The following MTHFD1 variants were observed in gnomAD, a reference collection of about 807,000 sequenced individuals.
MTHFD1 encodes C-1-tetrahydrofolate synthase, cytoplasmic.
In MTHFD1, 44 loss-of-function variants were observed where a neutral mutation model predicts 110.3. The observed-to-expected ratio is 0.40, with a 90% CI of 0.31 to 0.51. The LOEUF is 0.51. MTHFD1 is among the 20% of genes least tolerant of loss of function. The probability of loss-of-function intolerance (pLI) is 0.60; values close to 1 mark genes in which losing one functional copy is unlikely to be tolerated. For synonymous variants in MTHFD1, 402 were observed against 428.8 expected (o/e 0.94, Z 0.77); for missense variants, 909 against 1,173.1 (o/e 0.77, Z 3.29).
intron 15 of MTHFD1, among the ~76,000 whole-genome samples, chr14:64,435,187 G>T (rs776462400): frequency 6.6e-6 from 1 of 151,848 alleles, no homozygotes; most frequent in Non-Finnish European, 1.5e-5. Flanking sequence ...CTGACCTCAG[G>T]TGATCTGCCC....
At chr14:64,432,591 A>G (rs2078168594) in intron 15 of MTHFD1, among the ~76,000 whole-genome samples, 1 of 152,242 alleles carries the variant, frequency 6.6e-6, no homozygotes, top group African/African-American at 2.4e-5. Context: ...ATGCTGGGTG[A>G]AAGAAGCCAG....
intron 24 of MTHFD1, among the ~76,000 whole-genome samples, chr14:64,450,069 C>T (rs958726788): frequency 6.6e-6 from 1 of 152,156 alleles, no homozygotes; most frequent in Non-Finnish European, 1.5e-5. Flanking sequence ...GAATTACAGG[C>T]GTGAGCCACT....
chr14:64,429,261 A>AACATATAT (rs11158541), intron 12 of MTHFD1, among the ~76,000 whole-genome samples: 4,711 of 108,246 alleles, frequency 0.044, 761 homozygotes, highest in African/African-American at 0.15. Context: ...TGTCTAAAAA[A>AACATATAT]ATATATATCT....
At chr14:64,389,710 GAA>G (rs765314571) in intron 1 of MTHFD1, among the ~76,000 whole-genome samples, 2 of 135,644 alleles carry the variant, frequency 1.5e-5, no homozygotes. Flanking sequence ...CTCCGTCTAA[GAA>G]AAAAAAAAAA....
chr14:64,425,056 G>A, intron 9 of MTHFD1, 125 bp downstream of exon 9: 2 of 1,199,190 alleles, frequency 1.7e-6, no homozygotes, highest in Non-Finnish European at 1.2e-6. Flanking sequence ...TTGAGAAAAA[G>A]GGAAGGGAAG....
At chr14:64,400,723 C>T in intron 1 of MTHFD1, 70 bp from the exon 2 acceptor site, 1 of 967,978 alleles carries the variant, frequency 1.0e-6, no homozygotes, top group Non-Finnish European at 1.7e-6. Flanking sequence ...AGAAATACAT[C>T]TAATAATCTG....
chr14:64,459,669 T>C, intron 27 of MTHFD1, 90 bp from the exon 28 acceptor site: 1 of 1,112,594 alleles, frequency 9.0e-7, no homozygotes, highest in Non-Finnish European at 1.3e-6. Flanking sequence ...GCTTTGGCAA[T>C]GTGAGTGGGT....
chr14:64,406,094 A>G (rs1189991542), intron 2 of MTHFD1, among the ~76,000 whole-genome samples: 3 of 150,810 alleles, frequency 2.0e-5, no homozygotes, highest in Non-Finnish European at 4.4e-5. Flanking sequence ...GCTGGAGTGC[A>G]ATGGCACGAT....
rs781449782 is a variant in MTHFD1 at position 64,442,308 on chromosome 14, T to C, written c.2042T>C (p.Phe681Ser). ...GCAGACATTGGAATGGAAAAGTTTT[T>C]TAACATCAAATGCCGGTATTCCGGC... ...FGADIGMEKF[F>S]NIKCRYSGLC... Residue 681 changes from phenylalanine to serine, a missense_variant, in exon 21 of 28, where the codon TTT becomes TCT. Around this residue, in one of 3 missense-constraint regions of MTHFD1, gnomAD observed 482 missense variants for 646.0 expected, o/e 0.75. Coordinates refer to ENST00000652337, the MANE Select transcript of MTHFD1 (RefSeq NM_005956.4). 6.2e-7 allele frequency: 1 copy of C among 1,614,246 alleles called. No homozygotes were observed.
chr14:64,419,959 G>C (rs1380526797), intron 8 of MTHFD1, 34 bp downstream of exon 8: 6 of 1,441,346 alleles, frequency 4.2e-6, no homozygotes, highest in Admixed American at 1.7e-5. Flanking sequence ...GTGGCTGCTG[G>C]TATTGAGGAT....
intron 21 of MTHFD1, among the ~76,000 whole-genome samples, chr14:64,442,987 T>C (rs2078260352): frequency 6.6e-6 from 1 of 152,164 alleles, no homozygotes; most frequent in South Asian, 2.1e-4. Flanking sequence ...CCTACTACTT[T>C]TTATCCTAGT....
At chr14:64,390,912 G>C (rs879561327) in intron 1 of MTHFD1, among the ~76,000 whole-genome samples, 2 of 151,924 alleles carry the variant, frequency 1.3e-5, no homozygotes, top group Admixed American at 1.3e-4. Flanking sequence ...GCCTCCCAAA[G>C]TGCTGGGATT....
Position 64,415,620 on chromosome 14 carries a change from T to A in MTHFD1, c.378-19T>A. ...TCTAATTGCCTTTATTTCCTTCTTA[T>A]TTCCATCACTTTTTTAAGATTGACT... On this transcript the variant is annotated intron_variant, in intron 5 of 27. Transcript: ENST00000652337. The A allele has an allele frequency of 6.2e-7, 1 of 1,613,194 alleles. No homozygotes were observed. Among genetic ancestry groups the A allele is most frequent in the Non-Finnish European group, 8.5e-7 (1 of 1,179,122 alleles).
Position 64,415,410 on chromosome 14 carries a change from TAGTGC to T in MTHFD1, c.296_300del (p.Val99AlafsTer10). On this transcript the variant is annotated frameshift_variant, in exon 5 of 28. Coordinates refer to ENST00000652337, the MANE Select transcript of MTHFD1 (RefSeq NM_005956.4). LOFTEE classifies it high-confidence loss of function. ...GAAGACTCTACTGTACATGGGTTCT[TAGTGC>T]AGCTACCTTTAGATTCAGAGAATTC... The T allele has an allele frequency of 6.2e-7, 1 of 1,612,974 alleles. No homozygotes were observed. Among genetic ancestry groups the T allele is most frequent in the Non-Finnish European group, 8.5e-7 (1 of 1,178,904 alleles).
chr14:64,441,576 G>A (rs1398218728), intron 19 of MTHFD1, 123 bp downstream of exon 19: 4 of 814,576 alleles, frequency 4.9e-6, no homozygotes, highest in Admixed American at 2.0e-5. Flanking sequence ...GGAGGCCAAG[G>A]TGGGCAGATC....
intron 22 of MTHFD1, 194 bp downstream of exon 22, chr14:64,444,928 G>C: frequency 1.6e-6 from 1 of 633,264 alleles, no homozygotes; most frequent in Non-Finnish European, 2.9e-6. Flanking sequence ...AAATAGAATT[G>C]TCCCACATAG....
chr14:64,408,111 G>A (rs1325483294), intron 2 of MTHFD1, among the ~76,000 whole-genome samples: 1 of 152,072 alleles, frequency 6.6e-6, no homozygotes, highest in African/African-American at 2.4e-5. Flanking sequence ...AGCAATAGCA[G>A]CAGCTGCTGT....
chr14:64,444,450 TC>T (rs968426816), intron 21 of MTHFD1, among the ~76,000 whole-genome samples: 8 of 152,094 alleles, frequency 5.3e-5, no homozygotes, highest in African/African-American at 1.2e-4. Flanking sequence ...CTGCCATCGA[TC>T]CGGTCCTTCT....
At chr14:64,442,461 T>C in intron 21 of MTHFD1, 59 bp downstream of exon 21, 1 of 1,564,504 alleles carries the variant, frequency 6.4e-7, no homozygotes, top group South Asian at 1.1e-5. Flanking sequence ...AAAAGGAAGT[T>C]GGATGACTTC....
Sources: gnomAD v4.1 joint callset for allele counts (sites outside exome capture counted in the v4.1 genomes callset) on GRCh38, gnomAD v4.1.1 for gene constraint, gnomAD v4.1.1 regional missense constraint, MANE v1.5 for transcripts, NCBI Gene and HGNC (gene_info 2026-07-23, HGNC 2026-07-21) for gene names.